The following DUSP3 variants were observed in gnomAD, a reference collection of about 807,000 sequenced individuals.
The protein encoded by DUSP3 is dual specificity protein phosphatase 3.
In DUSP3, 7 loss-of-function variants were observed where a neutral mutation model predicts 15.5. The observed-to-expected ratio is 0.45, with a 90% CI of 0.26 to 0.85. DUSP3 has a LOEUF of 0.85. DUSP3 is among the 40% of genes least tolerant of loss of function. The pLI is 0.18. For missense variants in DUSP3, 209 were observed against 251.7 expected (o/e 0.83, Z 1.15); for synonymous variants, 86 against 104.2 (o/e 0.83, Z 1.07).
In DUSP3 at chr17:43,773,002, C is replaced by A. The variant is rs141309679; in HGVS notation, c.352+1710G>T. ...GCTATTATACGAGAACAACAAAATC[C>A]TTCCCCTTCGCCCAGCCTATGTTTA... On this transcript the variant is annotated intron_variant, in intron 2 of 2. Coordinates refer to ENST00000226004, the MANE Select transcript of DUSP3 (RefSeq NM_004090.4). Among the ~76,000 whole-genome samples the A allele has an allele frequency of 9.3e-4, 142 of 152,318 alleles. 1 individual carries two copies. Among genetic ancestry groups the A allele is most frequent in the Non-Finnish European group, 1.8e-3 (124 of 68,032 alleles).
chr17:43,772,915 AGTT>A (rs892424123), intron 2 of DUSP3, among the ~76,000 whole-genome samples: 4 of 152,194 alleles, frequency 2.6e-5, no homozygotes, highest in Admixed American at 2.6e-4. Context: ...GCGTGTTCCT[AGTT>A]GTTTGGAAAG....
intron 2 of DUSP3, 91 bp downstream of exon 2, chr17:43,774,621 T>A: frequency 7.3e-7 from 1 of 1,376,408 alleles, no homozygotes; most frequent in Non-Finnish European, 1.0e-6. Flanking sequence ...ACAAGGGAGT[T>A]TCTAAGAAGA....
chr17:43,773,437 G>T (rs1312038119), intron 2 of DUSP3, among the ~76,000 whole-genome samples: 1 of 152,180 alleles, frequency 6.6e-6, no homozygotes, highest in Non-Finnish European at 1.5e-5. Flanking sequence ...TTTCTTGCTG[G>T]AATGCCTTGG....
intron 1 of DUSP3, among the ~76,000 whole-genome samples, chr17:43,775,790 G>A (rs1264606154): frequency 6.6e-6 from 1 of 152,146 alleles, no homozygotes; most frequent in East Asian, 1.9e-4. Context: ...GGAGTAAGTG[G>A]CCCCAACAGA....
intron 2 of DUSP3, among the ~76,000 whole-genome samples, 175 bp downstream of exon 2, chr17:43,774,537 C>G (rs73987085): frequency 6.6e-6 from 1 of 152,164 alleles, no homozygotes; most frequent in South Asian, 2.1e-4. Flanking sequence ...CTGTGACACA[C>G]GGGGCCACTT....
intron 2 of DUSP3, among the ~76,000 whole-genome samples, chr17:43,772,010 CAAA>C (rs1190299771): frequency 1.1e-4 from 7 of 64,222 alleles, no homozygotes; most frequent in African/African-American, 2.2e-4. Context: ...GACTCCGTCT[CAAA>C]AAAAAAAAAA....
At position 43,768,790 on chromosome 17, in the gene DUSP3, T is replaced by A. The variant is rs1481837609; in HGVS notation, c.*819A>T. 1 of 151,516 alleles carries A rather than the reference T, an allele frequency of 6.6e-6. No individual in the cohort carries two copies. The highest frequency in any genetic ancestry group is 1.9e-4 in the East Asian group (1 of 5,180). 9.4% of individuals were successfully genotyped at this position (151,516 alleles called of 1,614,324 possible). On this transcript the variant is annotated 3_prime_UTR_variant, in exon 3 of 3. Transcript: ENST00000226004. ...TTAAATAGGTTGGACTTCAACTCCC[T>A]GTTTTCTAAAAAAGAAAAAAAAAAA... is the stretch of plus-strand genomic sequence containing the variant.
At chr17:43,775,965 G>A (rs542541134) in intron 1 of DUSP3, among the ~76,000 whole-genome samples, 1 of 152,214 alleles carries the variant, frequency 6.6e-6, no homozygotes, top group Admixed American at 6.5e-5. Flanking sequence ...ACAAAAGTGA[G>A]CCGGGTGTGG....
rs564972222 is a variant in DUSP3 at position 43,776,961 on chromosome 17, C to A, written c.125+1839G>T. On this transcript the variant is annotated intron_variant, in intron 1 of 2. Transcript: ENST00000226004. ...AACACTTTGAAGAGTCACTCCCATT[C>A]ATCTCCCTTCTCTAATACTTTTTTT... Among the ~76,000 whole-genome samples, 14 of 152,076 alleles carry A rather than the reference C, an allele frequency of 9.2e-5. No individual in the cohort carries two copies. In the South Asian group the frequency reaches 2.7e-3, roughly 29 times the overall value.
Position 43,769,453 on chromosome 17 carries a change from G to C in DUSP3, c.*156C>G, listed in dbSNP as rs912312810. ...CTTCTTTATGTGCTCCCCAGGGTGG[G>C]GAAAGTGGCCCAGGACTGTGTTGGG... On this transcript the variant is annotated 3_prime_UTR_variant, in exon 3 of 3. Transcript: ENST00000226004. The C allele has an allele frequency of 8.6e-6, 7 of 815,692 alleles. No individual in the cohort carries two copies. The Admixed American group carries it at 1.9e-4, about 22-fold the overall frequency. 50.5% of individuals were successfully genotyped at this position (815,692 alleles called of 1,614,324 possible). A position where few individuals can be genotyped will look rare whatever the true frequency, so the allele number is the denominator to read the frequency against.
rs138980602 is a variant in DUSP3, at chr17:43,774,792, T to C, written c.272A>G (p.Asn91Ser). 2.5e-6 allele frequency: 4 copies of C among 1,614,056 alleles called. No individual in the cohort carries two copies. In the African/African-American group the frequency reaches 4.0e-5, roughly 16 times the overall value. The change falls in exon 2 of 3, where the codon AAC becomes AGC. Residue 91 changes from asparagine to serine, a missense_variant. Transcript: ENST00000226004. ...SGITYLGIKA[N>S]DTQEFNLSAY... ...GCTGAGGTTGAACTCCTGTGTGTCG[T>C]TGGCCTTGATGCCCAGGTATGTGAT...
In DUSP3 at chr17:43,769,431, C is replaced by T; in HGVS notation, c.*178G>A. The T allele has an allele frequency of 1.5e-6, 1 of 662,026 alleles. No individual in the cohort carries two copies. Among genetic ancestry groups the T allele is most frequent in the Non-Finnish European group, 2.4e-6 (1 of 410,436 alleles). The allele number at this position is 662,026 out of a possible 1,614,324, so 41.0% of individuals were successfully genotyped here. On this transcript the variant is annotated 3_prime_UTR_variant, in exon 3 of 3. Coordinates refer to ENST00000226004, the MANE Select transcript of DUSP3 (RefSeq NM_004090.4). Reference sequence around the variant, plus strand: ...CAAGGACGCCCCCCTTGGCAAGCTTCTTTATGTGCTCCCCAGGGTGGGGAA... The same window carrying T: ...CAAGGACGCCCCCCTTGGCAAGCTTTTTTATGTGCTCCCCAGGGTGGGGAA...
At position 43,767,213 on chromosome 17, in the gene DUSP3, G is replaced by C. The variant is rs1230966708; in HGVS notation, c.*2396C>G. On this transcript the variant is annotated 3_prime_UTR_variant, in exon 3 of 3. Transcript: ENST00000226004. ...AGCCACACCAACCTGCTGTGTTCGC[G>C]TAAGTAGCTGTGCCTGTCCCATGGG... 2 of 152,624 alleles carry C rather than the reference G, an allele frequency of 1.3e-5. No homozygotes were observed. The highest frequency in any genetic ancestry group is 4.8e-5 in the African/African-American group (2 of 41,444). 9.5% of individuals were successfully genotyped at this position (152,624 alleles called of 1,614,324 possible).
chr17:43,775,214 C>A (rs137980266), intron 1 of DUSP3, among the ~76,000 whole-genome samples: 1 of 152,286 alleles, frequency 6.6e-6, no homozygotes, highest in African/African-American at 2.4e-5. Flanking sequence ...TGCGCCCTCT[C>A]ATCTTTCACA....
chr17:43,776,043 C>T (rs1007885574), intron 1 of DUSP3, among the ~76,000 whole-genome samples: 19 of 152,102 alleles, frequency 1.2e-4, no homozygotes, highest in African/African-American at 3.4e-4. Flanking sequence ...CACTTGAACC[C>T]GGGAGGTGGA....
intron 2 of DUSP3, among the ~76,000 whole-genome samples, chr17:43,770,541 C>A (rs992648415): frequency 1.3e-5 from 2 of 151,874 alleles, no homozygotes; most frequent in Non-Finnish European, 2.9e-5. Flanking sequence ...CCTATAATCC[C>A]AGCTACTCAG....
At chr17:43,769,859 A>G in intron 2 of DUSP3, 45 bp from the exon 3 acceptor site, 1 of 1,602,464 alleles carries the variant, frequency 6.2e-7, no homozygotes, top group Non-Finnish European at 8.5e-7. Flanking sequence ...GCGTCCCATC[A>G]CACCATGGCG....
chr17:43,771,658 G>A (rs183974614), intron 2 of DUSP3, among the ~76,000 whole-genome samples: 342 of 152,224 alleles, frequency 2.2e-3, no homozygotes, highest in African/African-American at 7.8e-3. Context: ...CCCTGGTCCT[G>A]TGTCATTGCC....
In DUSP3 at chr17:43,767,596, AG is replaced by A. The variant is rs1276301471; in HGVS notation, c.*2012del. ...AACCTCAGTTCCTTTTTTTTAAAAA[AG>A]GTCACAATACAAGAACAAGCTCTAC... On this transcript the variant is annotated 3_prime_UTR_variant, in exon 3 of 3. Transcript: ENST00000226004. 1 of 152,330 alleles carries A rather than the reference AG, an allele frequency of 6.6e-6. No homozygotes were observed. Among genetic ancestry groups the A allele is most frequent in the Non-Finnish European group, 1.5e-5 (1 of 68,012 alleles). The allele number at this position is 152,330 out of a possible 1,614,324, so 9.4% of individuals were successfully genotyped here.
Sources: allele counts gnomAD v4.1 joint callset (sites outside exome capture counted in the v4.1 genomes callset), GRCh38; gene constraint gnomAD v4.1.1; transcripts MANE v1.5; gene names NCBI Gene and HGNC (gene_info 2026-07-23, HGNC 2026-07-21).